Variants in FAM135A observed in about 807,000 individuals in gnomAD.
FAM135A encodes the protein protein FAM135A.
Under a neutral mutation model 146.8 loss-of-function variants are expected in FAM135A, and 79 were observed. The ratio of observed to expected loss-of-function variants is 0.54; its 90% CI spans 0.45 to 0.65. The LOEUF is 0.65. Among genes scored for constraint, FAM135A ranks in the 30% least tolerant of loss-of-function variants. The pLI, the probability that FAM135A is intolerant of heterozygous loss-of-function variation, is 0.00. For missense variants in FAM135A, 1,623 were observed against 1,758.2 expected, an observed-to-expected ratio of 0.92 and a Z score of 1.38; for synonymous variants, 562 against 603.6, an observed-to-expected ratio of 0.93 and a Z score of 1.01.
In FAM135A at chr6:70,452,469, C is replaced by T. The variant is rs747280320; in HGVS notation, c.78-23C>T. 1.2e-5 allele frequency: 18 copies of T among 1,550,216 alleles called. No individual in the cohort carries two copies. In the Admixed American group the frequency reaches 3.4e-4, roughly 29 times the overall value. On this transcript the variant is annotated intron_variant, in intron 4 of 21. Transcript: ENST00000418814. ...TATTTTTAAATATGTTTTGAAATAACTTCCTTGTTTATTTTGCTTTAGTTT... is the reference window on the plus strand; with the variant it reads ...TATTTTTAAATATGTTTTGAAATAATTTCCTTGTTTATTTTGCTTTAGTTT...
chr6:70,482,153 G>C lies in FAM135A; in HGVS notation c.822G>C (p.Leu274=). ...EEIPSCQKLE[L]EEMDVEARLT... The stretch of plus-strand genomic sequence containing the variant: ...TTCCTTCTTGTCAGAAACTAGAACT[G>C]GGTATGTTAAAAGTAGCGAGACTTA... Residue 274 remains leucine, a splice_region_variant and synonymous_variant, in exon 10 of 22, where the codon CTG becomes CTC. Transcript: ENST00000418814. The C allele has an allele frequency of 6.2e-7, 1 of 1,612,854 alleles. No homozygotes were observed. Among genetic ancestry groups the C allele is most frequent in the Non-Finnish European group, 8.5e-7 (1 of 1,179,462 alleles).
At chr6:70,540,470 G>A (rs1310550405) in intron 20 of FAM135A, among the ~76,000 whole-genome samples, 1 of 151,728 alleles carries the variant, frequency 6.6e-6, no homozygotes, top group Admixed American at 6.6e-5. Context: ...GACTACAGGC[G>A]CCCGCCACCA....
intron 20 of FAM135A, among the ~76,000 whole-genome samples, chr6:70,541,616 G>A (rs1797937031): frequency 6.6e-6 from 1 of 152,082 alleles, no homozygotes; most frequent in African/African-American, 2.4e-5. Context: ...TTCTTGGACA[G>A]CATCATTCCA....
At chr6:70,517,668 C>G (rs774782264) in intron 12 of FAM135A, among the ~76,000 whole-genome samples, 8 of 152,128 alleles carry the variant, frequency 5.3e-5, no homozygotes, top group Non-Finnish European at 1.0e-4. Context: ...ATCCACCTGC[C>G]TCGGCCTCCC....
chr6:70,482,175 C>T, intron 10 of FAM135A, 21 bp downstream of exon 10: 1 of 1,610,958 alleles, frequency 6.2e-7, no homozygotes, highest in Non-Finnish European at 8.5e-7. Context: ...AGTAGCGAGA[C>T]TTATTCTACA....
intron 12 of FAM135A, among the ~76,000 whole-genome samples, chr6:70,516,934 C>G (rs1291233859): frequency 6.6e-6 from 1 of 152,032 alleles, no homozygotes; most frequent in Non-Finnish European, 1.5e-5. Flanking sequence ...CTTTAAGAAC[C>G]TCTTTACAAT....
At chr6:70,508,352 T>G (rs1335940781) in intron 12 of FAM135A, among the ~76,000 whole-genome samples, 1 of 152,204 alleles carries the variant, frequency 6.6e-6, no homozygotes, top group Non-Finnish European at 1.5e-5. Context: ...CTCAACAGTA[T>G]GTCTTATAGA....
At chr6:70,468,911 G>C (rs2128129744) in intron 5 of FAM135A, among the ~76,000 whole-genome samples, 1 of 152,238 alleles carries the variant, frequency 6.6e-6, no homozygotes, top group African/African-American at 2.4e-5. Context: ...GGTGAAGGAG[G>C]GGACAGCGAC....
At chr6:70,509,531 TTTTG>T (rs752431970) in intron 12 of FAM135A, among the ~76,000 whole-genome samples, 10 of 152,124 alleles carry the variant, frequency 6.6e-5, no homozygotes, top group Non-Finnish European at 1.3e-4. Flanking sequence ...GTGCTCTTGG[TTTTG>T]TTTGTTTTTC....
chr6:70,437,283 A>T (rs992527535), intron 4 of FAM135A, among the ~76,000 whole-genome samples: 1 of 152,166 alleles, frequency 6.6e-6, no homozygotes, highest in Admixed American at 6.5e-5. Context: ...AATTGGCTAG[A>T]TAATCAGACA....
intron 12 of FAM135A, chr6:70,504,571 G>A (rs1223632702): frequency 2.6e-5 from 4 of 152,040 alleles, no homozygotes; most frequent in Non-Finnish European, 5.9e-5. Flanking sequence ...GAGACAATTG[G>A]GTATCCATAT....
At chr6:70,545,838 G>C (rs747708952) in intron 20 of FAM135A, among the ~76,000 whole-genome samples, 1 of 152,176 alleles carries the variant, frequency 6.6e-6, no homozygotes, top group Non-Finnish European at 1.5e-5. Context: ...TGACTTGCCT[G>C]AGGTCACTTA....
chr6:70,435,900 C>A (rs1772997697), intron 4 of FAM135A, among the ~76,000 whole-genome samples: 1 of 152,086 alleles, frequency 6.6e-6, no homozygotes, highest in South Asian at 2.1e-4. Flanking sequence ...AGTTCATGAA[C>A]TTGCCGGGTG....
chr6:70,533,207 T>G lies in FAM135A; in HGVS notation c.3823T>G (p.Leu1275Val). 7 of 1,613,398 alleles carry G rather than the reference T, an allele frequency of 4.3e-6. No individual in the cohort carries two copies. The highest frequency in any genetic ancestry group is 5.1e-6 in the Non-Finnish European group (6 of 1,179,624). The change falls in exon 17 of 22, where the codon TTG becomes GTG. Residue 1275 changes from leucine (L) to valine (V), a missense_variant. Coordinates refer to ENST00000418814, the MANE Select transcript of FAM135A (RefSeq NM_001162529.3). ...RLVKTYIELGLPGGRIDFLMS... is the reference protein window; with the variant it reads ...RLVKTYIELGVPGGRIDFLMS... ...AGTAAAAACTTACATTGAACTTGGA[T>G]TGCCTGGGGGAAGAATTGATTTTCT...
intron 5 of FAM135A, among the ~76,000 whole-genome samples, chr6:70,454,279 T>G (rs1324779991): frequency 6.6e-6 from 1 of 152,246 alleles, no homozygotes; most frequent in African/African-American, 2.4e-5. Flanking sequence ...GTAAATTTGT[T>G]TAAGTTCTTT....
intron 2 of FAM135A, among the ~76,000 whole-genome samples, chr6:70,417,240 T>A (rs1288197948): frequency 6.6e-6 from 1 of 152,056 alleles, no homozygotes; most frequent in Non-Finnish European, 1.5e-5. Flanking sequence ...GTTATAAATA[T>A]ATTGATAATA....
chr6:70,485,786 T>G (rs1387366256), intron 10 of FAM135A, among the ~76,000 whole-genome samples: 1 of 152,168 alleles, frequency 6.6e-6, no homozygotes, highest in Non-Finnish European at 1.5e-5. Flanking sequence ...AAATATTGGT[T>G]TGGTGCAGGG....
chr6:70,476,315 G>GT (rs1172766943), intron 7 of FAM135A, among the ~76,000 whole-genome samples: 1 of 151,962 alleles, frequency 6.6e-6, no homozygotes, highest in Admixed American at 6.6e-5. Context: ...TTTATGCAGG[G>GT]TTTTTTCCCC....
intron 3 of FAM135A, among the ~76,000 whole-genome samples, chr6:70,427,785 T>A (rs1770537359): frequency 6.6e-6 from 1 of 152,176 alleles, no homozygotes; most frequent in African/African-American, 2.4e-5. Flanking sequence ...ACTTTAGAAT[T>A]TGTAATAAAG....
Sources: gnomAD v4.1 joint callset for allele counts (sites outside exome capture counted in the v4.1 genomes callset) on GRCh38, gnomAD v4.1.1 for gene constraint, MANE v1.5 for transcripts, NCBI Gene and HGNC (gene_info 2026-07-23, HGNC 2026-07-21) for gene names.